Variants in HECW2 observed in about 807,000 individuals in gnomAD.
The protein encoded by HECW2 is HECT, C2 and WW domain containing E3 ubiquitin protein ligase 2, also known as E3 ubiquitin-protein ligase HECW2.
HECW2 carries 61 observed loss-of-function variants against 175.2 expected under a neutral mutation model. The ratio of observed to expected loss-of-function variants is 0.35; its 90% confidence interval spans 0.28 to 0.43. The LOEUF is 0.43. Among genes scored for constraint, HECW2 ranks in the 20% least tolerant of loss-of-function variants. The probability of loss-of-function intolerance (pLI) is 1.00; values close to 1 mark genes in which losing one functional copy is unlikely to be tolerated. For missense variants in HECW2, 1,524 were observed against 2,000.5 expected (o/e 0.76, Z 4.54); for synonymous variants, 671 against 731.0 (o/e 0.92, Z 1.32).
intron 1 of HECW2, among the ~76,000 whole-genome samples, chr2:196,581,848 C>T (rs149026978): frequency 5.3e-5 from 8 of 152,092 alleles, no homozygotes; most frequent in African/African-American, 1.2e-4. Context: ...AGGTGGATCA[C>T]GAGGTCAGGA....
At chr2:196,260,353 G>A (rs1026100369) in intron 17 of HECW2, 2 of 152,218 alleles carry the variant, frequency 1.3e-5, no homozygotes, top group Admixed American at 6.5e-5. Flanking sequence ...GGAACATGTC[G>A]TCTGATGTAC....
At chr2:196,365,434 C>G (rs1344075428) in intron 2 of HECW2, among the ~76,000 whole-genome samples, 1 of 152,182 alleles carries the variant, frequency 6.6e-6, no homozygotes, top group Non-Finnish European at 1.5e-5. Flanking sequence ...CACTTATATA[C>G]ATTATTGAAG....
intron 28 of HECW2, among the ~76,000 whole-genome samples, chr2:196,210,313 G>C: frequency 6.6e-6 from 1 of 151,936 alleles, no homozygotes; most frequent in East Asian, 1.9e-4. Context: ...TGTACCTGAA[G>C]AAATGAGTGA....
chr2:196,445,214 C>A (rs952641925), intron 1 of HECW2, among the ~76,000 whole-genome samples: 1 of 152,156 alleles, frequency 6.6e-6, no homozygotes, highest in Non-Finnish European at 1.5e-5. Context: ...TTCTCTTACA[C>A]AAATAGTGTT....
chr2:196,355,737 G>T (rs934633315), intron 2 of HECW2, among the ~76,000 whole-genome samples: 10 of 152,238 alleles, frequency 6.6e-5, no homozygotes, highest in African/African-American at 1.9e-4. Context: ...AGGAGTAAAA[G>T]AGTCAAAGTC....
At chr2:196,252,380 C>T (rs888619868) in intron 19 of HECW2, among the ~76,000 whole-genome samples, 1 of 151,694 alleles carries the variant, frequency 6.6e-6, no homozygotes, top group South Asian at 2.1e-4. Flanking sequence ...ATGTTTGTTC[C>T]CTCTAAATCT....
rs186657136 is a variant in HECW2, at chr2:196,452,721, G to A, written c.-35-19263C>T. ...AGGGTGGTGGAGGGATCATTTCTGG[G>A]CAAAATCTTCCTCAGAAAACAATTC... On this transcript the variant is annotated intron_variant, in intron 1 of 28. Coordinates refer to ENST00000644978, the MANE Select transcript of HECW2 (RefSeq NM_001348768.2). 4.1e-3 allele frequency among the ~76,000 whole-genome samples: 627 copies of A among 151,390 alleles called. 1 individual carries two copies. Among genetic ancestry groups the A allele is most frequent in the Non-Finnish European group, 5.8e-3 (397 of 67,922 alleles).
chr2:196,329,797 C>G, intron 4 of HECW2, 147 bp from the exon 5 acceptor site: 1 of 592,802 alleles, frequency 1.7e-6, no homozygotes, highest in South Asian at 2.4e-5. Flanking sequence ...AATCTTGGAA[C>G]AGAGACACAA....
chr2:196,338,159 C>A (rs186404282), intron 3 of HECW2, among the ~76,000 whole-genome samples: 1 of 152,150 alleles, frequency 6.6e-6, no homozygotes, highest in East Asian at 1.9e-4. Context: ...GTTGGGGAGG[C>A]GGAGGGGCTT....
chr2:196,333,386 C>T (rs1403380239), intron 4 of HECW2, among the ~76,000 whole-genome samples: 1 of 152,100 alleles, frequency 6.6e-6, no homozygotes, highest in African/African-American at 2.4e-5. Context: ...TAGGTACAAG[C>T]ACTATCAGAG....
intron 1 of HECW2, among the ~76,000 whole-genome samples, chr2:196,446,642 T>C (rs143578226): frequency 8.5e-5 from 13 of 152,332 alleles, no homozygotes; most frequent in African/African-American, 2.4e-4. Context: ...CAGAATGCAA[T>C]GGTTGTAAGC....
intron 1 of HECW2, chr2:196,592,877 G>T (rs942880190): frequency 6.7e-6 from 1 of 150,236 alleles, no homozygotes; most frequent in Non-Finnish European, 1.5e-5. Context: ...CCCTGCGGCC[G>T]GTCCGTGCGC....
intron 2 of HECW2, among the ~76,000 whole-genome samples, chr2:196,386,934 G>A (rs1049220852): frequency 2.6e-5 from 4 of 152,130 alleles, no homozygotes; most frequent in Non-Finnish European, 4.4e-5. Flanking sequence ...TATAAGCCTT[G>A]TTATAGCTTA....
chr2:196,540,172 T>C (rs999692306), intron 1 of HECW2, among the ~76,000 whole-genome samples: 3 of 152,214 alleles, frequency 2.0e-5, no homozygotes, highest in Non-Finnish European at 4.4e-5. Flanking sequence ...ACTTCAAATG[T>C]TTTGTACTTT....
At chr2:196,280,396 T>C (rs1034650227) in intron 14 of HECW2, among the ~76,000 whole-genome samples, 10 of 152,222 alleles carry the variant, frequency 6.6e-5, no homozygotes, top group Non-Finnish European at 1.5e-4. Flanking sequence ...ATGTTTCATA[T>C]GGAACTCTAT....
intron 2 of HECW2, among the ~76,000 whole-genome samples, chr2:196,413,677 T>C (rs555312397): frequency 3.8e-4 from 58 of 152,276 alleles, no homozygotes; most frequent in Admixed American, 2.8e-3. Flanking sequence ...TATGAGATAA[T>C]ATTATTAGAA....
intron 4 of HECW2, among the ~76,000 whole-genome samples, 200 bp downstream of exon 4, chr2:196,334,224 T>A (rs1364827016): frequency 1.3e-5 from 2 of 152,188 alleles, no homozygotes; most frequent in Non-Finnish European, 2.9e-5. Flanking sequence ...ACAAATCAAA[T>A]CCTATGTTTC....
intron 2 of HECW2, among the ~76,000 whole-genome samples, chr2:196,426,979 T>C (rs572517876): frequency 7.2e-5 from 11 of 152,308 alleles, no homozygotes; most frequent in Admixed American, 2.0e-4. Flanking sequence ...AAAATACAGT[T>C]GTTCTGCCAT....
chr2:196,521,282 C>CAAAAAAAAAAAAAAAAA (rs1158051512), intron 1 of HECW2, among the ~76,000 whole-genome samples: 39 of 53,664 alleles, frequency 7.3e-4, no homozygotes, highest in East Asian at 1.5e-3. Flanking sequence ...ACGTGAGTAA[C>CAAAAAAAAAAAAAAAAA]AAAAAAAAAA....
Sources: allele counts gnomAD v4.1 joint callset (sites outside exome capture counted in the v4.1 genomes callset), GRCh38; gene constraint gnomAD v4.1.1; transcripts MANE v1.5; gene names NCBI Gene and HGNC (gene_info 2026-07-23, HGNC 2026-07-21).